Variants in AKAP6 observed in about 807,000 individuals in gnomAD.
AKAP6 encodes the protein A-kinase anchoring protein 6.
In AKAP6, 58 loss-of-function variants were observed where a neutral mutation model predicts 188.5. That is an observed-to-expected ratio of 0.31 (90% CI 0.25 to 0.38). The LOEUF is 0.38. Ranked by LOEUF, AKAP6 falls within the 10% of genes least tolerant of loss-of-function variation. The pLI is 1.00. For synonymous variants in AKAP6, 989 were observed against 998.6 expected, an observed-to-expected ratio of 0.99 and a Z score of 0.18; for missense variants, 2,710 against 2,740.0, an observed-to-expected ratio of 0.99 and a Z score of 0.24.
At chr14:32,664,994 A>G (rs1472528103) in intron 7 of AKAP6, among the ~76,000 whole-genome samples, 3 of 152,154 alleles carry the variant, frequency 2.0e-5, no homozygotes, top group African/African-American at 4.8e-5. Context: ...GAATATTGAA[A>G]TTCATGTACT....
intron 1 of AKAP6, among the ~76,000 whole-genome samples, chr14:32,345,189 A>G (rs568315496): frequency 3.0e-4 from 45 of 152,340 alleles, no homozygotes; most frequent in Middle Eastern, 3.4e-3. Flanking sequence ...GGGAAATTCC[A>G]TATTTTAAAA....
intron 9 of AKAP6, among the ~76,000 whole-genome samples, chr14:32,725,117 C>T (rs2030803982): frequency 6.6e-6 from 1 of 151,148 alleles, no homozygotes; most frequent in African/African-American, 2.4e-5. Flanking sequence ...GTAACACATG[C>T]CTGCTTACGT....
intron 12 of AKAP6, among the ~76,000 whole-genome samples, chr14:32,795,571 C>T (rs749810418): frequency 6.6e-6 from 1 of 152,052 alleles, no homozygotes; most frequent in Non-Finnish European, 1.5e-5. Context: ...ACAGAAAAAG[C>T]CTTTGATAAA....
chr14:32,800,505 G>A (rs1195148208), intron 12 of AKAP6, among the ~76,000 whole-genome samples: 2 of 151,962 alleles, frequency 1.3e-5, no homozygotes, highest in African/African-American at 4.8e-5. Flanking sequence ...ATGTTCCATT[G>A]CTTTGTGCAT....
At chr14:32,692,549 T>C (rs1342492073) in intron 8 of AKAP6, among the ~76,000 whole-genome samples, 2 of 152,160 alleles carry the variant, frequency 1.3e-5, no homozygotes, top group African/African-American at 4.8e-5. Flanking sequence ...AAAGAATGAG[T>C]AAAGCAGCCT....
At chr14:32,744,597 A>G (rs76071816) in intron 11 of AKAP6, among the ~76,000 whole-genome samples, 15,320 of 152,182 alleles carry the variant, frequency 0.1, 1,604 homozygotes, top group East Asian at 0.38. Context: ...GATTACAGGC[A>G]TGAGCCACTG....
intron 5 of AKAP6, among the ~76,000 whole-genome samples, chr14:32,598,285 T>C (rs893899355): frequency 1.3e-5 from 2 of 152,188 alleles, no homozygotes; most frequent in Non-Finnish European, 2.9e-5. Context: ...TGGAGACTTA[T>C]CATGGAGATG....
At position 32,652,140 on chromosome 14, in the gene AKAP6, G is replaced by A. The variant is rs1423335520; in HGVS notation, c.2731-26171G>A. On this transcript the variant is annotated intron_variant, in intron 7 of 13. Coordinates refer to ENST00000280979, the MANE Select transcript of AKAP6 (RefSeq NM_004274.5). ...TAGAAGACTGCTAGTTTTATATACT[G>A]TTGTCACCTAAAAGTTTCCATAATA... Among the ~76,000 whole-genome samples, 3 of 152,110 alleles carry A rather than the reference G, an allele frequency of 2.0e-5. No individual in the cohort carries two copies. The East Asian group carries it at 5.8e-4, about 29-fold the overall frequency.
chr14:32,731,525 G>T (rs879408578), intron 9 of AKAP6, among the ~76,000 whole-genome samples: 5 of 152,112 alleles, frequency 3.3e-5, no homozygotes, highest in Non-Finnish European at 7.4e-5. Context: ...ACCTAAATTT[G>T]GTGCCTGGAA....
rs550318356 is a variant in AKAP6, at chr14:32,446,746, T to A, written c.324+12929T>A. Among the ~76,000 whole-genome samples, 13 of 152,282 alleles carry A rather than the reference T, an allele frequency of 8.5e-5. No homozygotes were observed. In the East Asian group the frequency reaches 2.5e-3, roughly 29 times the overall value. ...AGTTACTTTAAAATTCAGTACATCT[T>A]TAAAAATGCAATTCCATGAATGTGT... is the stretch of plus-strand genomic sequence containing the variant. On this transcript the variant is annotated intron_variant, in intron 2 of 13. Transcript: ENST00000280979.
At chr14:32,455,031 C>A (rs1248390716) in intron 2 of AKAP6, among the ~76,000 whole-genome samples, 1 of 150,716 alleles carries the variant, frequency 6.6e-6, no homozygotes, top group African/African-American at 2.5e-5. Context: ...GGTAGCATGA[C>A]CATGGCTCAT....
intron 7 of AKAP6, among the ~76,000 whole-genome samples, chr14:32,626,185 G>A (rs1356489418): frequency 1.3e-5 from 2 of 152,024 alleles, no homozygotes; most frequent in Non-Finnish European, 2.9e-5. Context: ...CTCACATATA[G>A]AATCATTGCA....
At chr14:32,605,476 A>T (rs1886093709) in intron 7 of AKAP6, among the ~76,000 whole-genome samples, 1 of 152,196 alleles carries the variant, frequency 6.6e-6, no homozygotes, top group African/African-American at 2.4e-5. Flanking sequence ...TGTGACAAAA[A>T]ATGATCCTTA....
intron 1 of AKAP6, among the ~76,000 whole-genome samples, chr14:32,380,296 G>GC (rs963678321): frequency 6.6e-6 from 1 of 152,092 alleles, no homozygotes; most frequent in African/African-American, 2.4e-5. Context: ...GTTCCCACCG[G>GC]CCCCCCGTTC....
Position 32,786,300 on chromosome 14 carries a change from T to TTTTTTTTTTTTG in AKAP6, c.3588+12418_3588+12419insGTTTTTTTTTTT, listed in dbSNP as rs1566710175. Among the ~76,000 whole-genome samples the TTTTTTTTTTTTG allele has an allele frequency of 5.4e-4, 28 of 52,272 alleles. 2 individuals carry two copies. Among genetic ancestry groups the TTTTTTTTTTTTG allele is most frequent in the African/African-American group, 2.3e-3 (27 of 11,654 alleles). 34.3% of individuals were successfully genotyped at this position (52,272 alleles called of 152,430 possible). The stretch of plus-strand genomic sequence containing the variant: ...CTCTGAAAGACCTAAACCTTTATCT[T>TTTTTTTTTTTTG]TTTTTTTTTTTTTTTTTTTTTTTTT... On this transcript the variant is annotated intron_variant, in intron 12 of 13. Coordinates refer to ENST00000280979, the MANE Select transcript of AKAP6 (RefSeq NM_004274.5).
chr14:32,735,509 G>T, intron 10 of AKAP6, 149 bp from the exon 11 acceptor site: 1 of 595,614 alleles, frequency 1.7e-6, no homozygotes. Context: ...GGCAGGTATA[G>T]ATGGACTCTT....
chr14:32,656,597 TTC>T (rs1392289614), intron 7 of AKAP6, among the ~76,000 whole-genome samples: 1 of 152,198 alleles, frequency 6.6e-6, no homozygotes, highest in African/African-American at 2.4e-5. Context: ...GAAGACTACT[TTC>T]TGAGACCTAG....
At chr14:32,601,564 C>T (rs1274456867) in intron 7 of AKAP6, among the ~76,000 whole-genome samples, 2 of 152,170 alleles carry the variant, frequency 1.3e-5, no homozygotes, top group Non-Finnish European at 2.9e-5. Context: ...TGTAATCACT[C>T]CTTTCTTTTG....
intron 1 of AKAP6, among the ~76,000 whole-genome samples, chr14:32,331,273 GCT>G (rs969950927): frequency 1.3e-5 from 2 of 152,040 alleles, no homozygotes; most frequent in African/African-American, 4.8e-5. Flanking sequence ...TGTTTAAAGT[GCT>G]CTTCAGCTGC....
Sources: allele counts gnomAD v4.1 joint callset (sites outside exome capture counted in the v4.1 genomes callset), GRCh38; gene constraint gnomAD v4.1.1; transcripts MANE v1.5; gene names NCBI Gene and HGNC (gene_info 2026-07-23, HGNC 2026-07-21).